The following EHMT1 variants were observed in gnomAD, a reference collection of about 807,000 sequenced individuals.
EHMT1 encodes the protein euchromatic histone lysine methyltransferase 1, also known as histone-lysine N-methyltransferase EHMT1.
Under a neutral mutation model 147.2 loss-of-function variants are expected in EHMT1, and 15 were observed. That is an observed-to-expected ratio of 0.10 (90% CI 0.07 to 0.16). EHMT1 has a LOEUF of 0.16. Among genes scored for constraint, EHMT1 ranks in the 10% least tolerant of loss-of-function variants. EHMT1 has a pLI of 1.00. For synonymous variants in EHMT1, 795 were observed against 709.6 expected (o/e 1.12, Z -1.91); for missense variants, 1,587 against 1,772.4 (o/e 0.90, Z 1.88).
chr9:137,801,519 G>A (rs1056070145), intron 18 of EHMT1, among the ~76,000 whole-genome samples: 4 of 151,996 alleles, frequency 2.6e-5, no homozygotes, highest in Non-Finnish European at 5.9e-5. Context: ...TTGTTTCTGA[G>A]ACAGAGTCTC....
chr9:137,764,395 G>A (rs1179241792), intron 10 of EHMT1: 1 of 152,196 alleles, frequency 6.6e-6, no homozygotes, highest in African/African-American at 2.4e-5. Flanking sequence ...CGGCCCCTCT[G>A]CAGAGCCTCT....
At chr9:137,626,807 C>G (rs1843289045) in intron 1 of EHMT1, among the ~76,000 whole-genome samples, 1 of 144,138 alleles carries the variant, frequency 6.9e-6, no homozygotes, top group South Asian at 2.2e-4. Context: ...TTTTTTGAGA[C>G]AGAGTTTTGC....
chr9:137,702,548 G>C (rs895743242), intron 1 of EHMT1, among the ~76,000 whole-genome samples: 16 of 152,140 alleles, frequency 1.1e-4, no homozygotes, highest in African/African-American at 3.6e-4. Flanking sequence ...GCCTTGGGCA[G>C]CTCTGCCTCT....
chr9:137,662,804 A>AT (rs1306025498), intron 1 of EHMT1, among the ~76,000 whole-genome samples: 2 of 86,386 alleles, frequency 2.3e-5, no homozygotes, highest in African/African-American at 1.2e-4. Context: ...TTATTTATTT[A>AT]TTTATTTTTG....
chr9:137,621,545 A>G (rs1029089822), intron 1 of EHMT1, among the ~76,000 whole-genome samples: 1 of 152,156 alleles, frequency 6.6e-6, no homozygotes, highest in African/African-American at 2.4e-5. Flanking sequence ...TGAAAATACA[A>G]AAATTATCTG....
In EHMT1 at chr9:137,817,714, C is replaced by T. The variant is rs111985511; in HGVS notation, c.3461+189C>T. On this transcript the variant is annotated intron_variant, in intron 24 of 26. Transcript: ENST00000460843. Reference sequence around the variant, plus strand: ...CTGTCCTCAGTCCTCTTGCTGCTGCCCGTAACCAGCCCAGGAGTGCATTTA... The same window carrying T: ...CTGTCCTCAGTCCTCTTGCTGCTGCTCGTAACCAGCCCAGGAGTGCATTTA... The T allele has an allele frequency of 3.3e-3, 2,356 of 717,826 alleles. 28 individuals carry two copies. Among genetic ancestry groups the T allele is most frequent in the African/African-American group, 0.032 (1,803 of 57,214 alleles). 44.5% of individuals were successfully genotyped at this position (717,826 alleles called of 1,614,324 possible). A position where few individuals can be genotyped will look rare whatever the true frequency, so the allele number is the denominator to read the frequency against.
intron 4 of EHMT1, chr9:137,743,096 C>T (rs1948243544): frequency 1.2e-5 from 5 of 427,762 alleles, no homozygotes; most frequent in South Asian, 1.1e-4. Flanking sequence ...TTTCCTGCCT[C>T]CAAGGTGGGG....
Position 137,743,423 on chromosome 9 carries a change from A to G in EHMT1, c.876A>G (p.Arg292=). The change falls in exon 5 of 27, where the codon AGA becomes AGG. Residue 292 remains arginine, a synonymous_variant. Coordinates refer to ENST00000460843, the MANE Select transcript of EHMT1 (RefSeq NM_024757.5). ...CAGTATCTCGGAAGAAAAAACGAAGAATGGGAACCTATAGCCTGGTTCCTA... is the reference window on the plus strand; with the variant it reads ...CAGTATCTCGGAAGAAAAAACGAAGGATGGGAACCTATAGCCTGGTTCCTA... The part of the protein sequence containing the change: ...AAAVSRKKKR[R]MGTYSLVPKK... 6.2e-7 allele frequency: 1 copy of G among 1,613,000 alleles called. No homozygotes were observed. Among genetic ancestry groups the G allele is most frequent in the Non-Finnish European group, 8.5e-7 (1 of 1,179,914 alleles).
In EHMT1 at chr9:137,833,520, T is replaced by TC. The variant is rs535215431; in HGVS notation, c.3541-827dup. Among the ~76,000 whole-genome samples, 18 of 152,294 alleles carry TC rather than the reference T, an allele frequency of 1.2e-4. No individual in the cohort carries two copies. In the East Asian group the frequency reaches 3.5e-3, roughly 29 times the overall value. On this transcript the variant is annotated intron_variant, in intron 25 of 26. Coordinates refer to ENST00000460843, the MANE Select transcript of EHMT1 (RefSeq NM_024757.5). ...ACCACCTACCTTACTCCCACGCAGC[T>TC]CCTCCATCCAGGCCCCAGCAGCTCC...
intron 25 of EHMT1, among the ~76,000 whole-genome samples, chr9:137,819,754 G>A (rs995442363): frequency 1.3e-5 from 2 of 151,912 alleles, no homozygotes; most frequent in Non-Finnish European, 2.9e-5. Flanking sequence ...ATTGTGCACA[G>A]AGGCCAACAG....
At position 137,731,419 on chromosome 9, in the gene EHMT1, T is replaced by C. The variant is rs1053000328; in HGVS notation, c.823+2890T>C. ...GAGCATGGCATGCCCAGCTGCCTTG[T>C]CTTGTGATGGTCATCAGTGCACCTT... On this transcript the variant is annotated intron_variant, in intron 4 of 26. Transcript: ENST00000460843. This position sits in a 1 kb window ranked among gnomAD's most constrained non-coding sequence, Gnocchi z 4.3. 5.9e-5 allele frequency among the ~76,000 whole-genome samples: 9 copies of C among 152,112 alleles called. No homozygotes were observed. The highest frequency in any genetic ancestry group is 2.2e-4 in the African/African-American group (9 of 41,430).
chr9:137,752,694 G>A (rs1358099179), intron 7 of EHMT1, among the ~76,000 whole-genome samples: 1 of 152,208 alleles, frequency 6.6e-6, no homozygotes, highest in African/African-American at 2.4e-5. Context: ...AGAGGGAGAG[G>A]GTGTGGTGGG....
chr9:137,775,236 G>T lies in EHMT1; in HGVS notation c.1775G>T (p.Gly592Val). The change falls in exon 11 of 27, where the codon GGC becomes GTC. Residue 592 changes from glycine to valine, a missense_variant. Gly to Val is a moderately radical substitution (Grantham distance 109). Transcript: ENST00000460843. This position sits in a 1 kb window ranked among gnomAD's most constrained non-coding sequence, Gnocchi z 6.1. ...MVKHQCCPGC[G>V]YFCTAGNFME... ...AAGCACCAGTGCTGTCCTGGCTGTG[G>T]CTACTTCTGCACAGCGGTAAGAGCC... The T allele has an allele frequency of 6.2e-7, 1 of 1,612,062 alleles. No homozygotes were observed.
chr9:137,634,416 G>A (rs1264102436), intron 1 of EHMT1, among the ~76,000 whole-genome samples: 2 of 152,114 alleles, frequency 1.3e-5, no homozygotes, highest in Non-Finnish European at 2.9e-5. Flanking sequence ...CCATTGAATT[G>A]CCTGGCCATC....
rs1255408456 is a variant in EHMT1 at position 137,834,768 on chromosome 9, C to G, written c.3717-5C>G. 1 of 1,613,452 alleles carries G rather than the reference C, an allele frequency of 6.2e-7. No homozygotes were observed. The highest frequency in any genetic ancestry group is 8.5e-7 in the Non-Finnish European group (1 of 1,179,774). On this transcript the variant is annotated splice_polypyrimidine_tract_variant and splice_region_variant and intron_variant, in intron 26 of 26. Coordinates refer to ENST00000460843, the MANE Select transcript of EHMT1 (RefSeq NM_024757.5). The stretch of plus-strand genomic sequence containing the variant: ...CTTGGAGCCTTGGTTCTGTTCCCTC[C>G]CCAGGTTTGACTATGGAGAGCGCTT...
intron 3 of EHMT1, among the ~76,000 whole-genome samples, chr9:137,723,172 G>A (rs1231818756): frequency 7.9e-6 from 1 of 125,862 alleles, no homozygotes; most frequent in African/African-American, 3.0e-5. Flanking sequence ...TTCTGGGCCT[G>A]AGTCCGGGGT....
chr9:137,800,839 G>A (rs369091061), intron 17 of EHMT1, 41 bp from the exon 18 acceptor site: 26 of 1,588,314 alleles, frequency 1.6e-5, no homozygotes, highest in Middle Eastern at 1.7e-4. Context: ...GGTGGTTGCC[G>A]GTCTCTGGAG....
At chr9:137,709,506 C>T (rs1375516014) in intron 1 of EHMT1, among the ~76,000 whole-genome samples, 2 of 152,112 alleles carry the variant, frequency 1.3e-5, no homozygotes, top group African/African-American at 4.8e-5. Flanking sequence ...CAGAAGGCAG[C>T]GAGACCATAT....
intron 3 of EHMT1, among the ~76,000 whole-genome samples, chr9:137,728,132 T>C (rs1946789182): frequency 6.6e-6 from 1 of 152,208 alleles, no homozygotes; most frequent in Non-Finnish European, 1.5e-5. Flanking sequence ...GCTTGGGCCA[T>C]GGTTTGTAGA....
Sources: allele counts gnomAD v4.1 joint callset (sites outside exome capture counted in the v4.1 genomes callset), GRCh38; gene constraint gnomAD v4.1.1; non-coding constraint Gnocchi (gnomAD v3.1); transcripts MANE v1.5; gene names NCBI Gene and HGNC (gene_info 2026-07-23, HGNC 2026-07-21).